Variants in DENND1A observed in about 807,000 individuals in gnomAD.
The protein encoded by DENND1A is DENN domain-containing protein 1A.
DENND1A carries 51 observed loss-of-function variants against 113.7 expected under a neutral mutation model. That is an observed-to-expected ratio of 0.45 (90% CI 0.36 to 0.57). The LOEUF (loss-of-function observed/expected upper bound fraction) is 0.57, where lower values mean the gene tolerates loss of function less well. DENND1A is among the 20% of genes least tolerant of loss of function. The probability of loss-of-function intolerance (pLI) is 0.00; values close to 1 mark genes in which losing one functional copy is unlikely to be tolerated. For synonymous variants in DENND1A, 565 were observed against 570.8 expected, an observed-to-expected ratio of 0.99 and a Z score of 0.14; for missense variants, 1,258 against 1,395.9, an observed-to-expected ratio of 0.90 and a Z score of 1.57.
chr9:123,455,553 C>G (rs961859591), intron 15 of DENND1A, among the ~76,000 whole-genome samples: 4 of 152,214 alleles, frequency 2.6e-5, no homozygotes, highest in Admixed American at 6.5e-5. Context: ...TCTCCTTCCT[C>G]TGAACAGCCC....
chr9:123,572,175 C>T (rs191792420), intron 12 of DENND1A, among the ~76,000 whole-genome samples: 1 of 152,186 alleles, frequency 6.6e-6, no homozygotes, highest in Non-Finnish European at 1.5e-5. Context: ...TCAGCTGTTT[C>T]TAGCTTTATA....
chr9:123,627,738 T>TAAAAA (rs2061295998), intron 10 of DENND1A, among the ~76,000 whole-genome samples: 3 of 82,406 alleles, frequency 3.6e-5, no homozygotes, highest in African/African-American at 1.7e-4. Flanking sequence ...AAACTCTGTC[T>TAAAAA]CAAAAAAAAA....
At chr9:123,416,611 G>A (rs561965151) in intron 19 of DENND1A, among the ~76,000 whole-genome samples, 2 of 152,342 alleles carry the variant, frequency 1.3e-5, no homozygotes, top group East Asian at 1.9e-4. Context: ...GGCCTTTGGC[G>A]ATCTTTTGCT....
intron 1 of DENND1A, among the ~76,000 whole-genome samples, chr9:123,915,594 G>A (rs1266290901): frequency 6.6e-6 from 1 of 152,136 alleles, no homozygotes; most frequent in Non-Finnish European, 1.5e-5. Context: ...AATATCAGAT[G>A]AGTAGAAGAG....
At chr9:123,532,721 G>A (rs1203503166) in intron 13 of DENND1A, among the ~76,000 whole-genome samples, 2 of 152,160 alleles carry the variant, frequency 1.3e-5, no homozygotes, top group South Asian at 4.1e-4. Flanking sequence ...TCTTTTAAGA[G>A]AATTAAAAAC....
At chr9:123,530,209 C>T (rs1300579307) in intron 13 of DENND1A, among the ~76,000 whole-genome samples, 5 of 152,140 alleles carry the variant, frequency 3.3e-5, no homozygotes, top group Non-Finnish European at 7.4e-5. Flanking sequence ...TGAAGAAAGA[C>T]ATGAGCCCTA....
intron 1 of DENND1A, among the ~76,000 whole-genome samples, chr9:123,910,515 T>G (rs1853760739): frequency 6.6e-6 from 1 of 152,152 alleles, no homozygotes; most frequent in African/African-American, 2.4e-5. Context: ...AAACAAAGCT[T>G]CTAGGATAAA....
At chr9:123,575,655 G>GT (rs2058596659) in intron 12 of DENND1A, among the ~76,000 whole-genome samples, 1 of 152,136 alleles carries the variant, frequency 6.6e-6, no homozygotes, top group Admixed American at 6.5e-5. Context: ...TACACACACA[G>GT]TTTTTTAGGA....
chr9:123,491,169 T>C (rs1354945735), intron 13 of DENND1A, among the ~76,000 whole-genome samples: 1 of 152,168 alleles, frequency 6.6e-6, no homozygotes, highest in East Asian at 1.9e-4. Flanking sequence ...GCATGAAAAC[T>C]GTGATGATGG....
At chr9:123,414,263 A>G (rs1414531758) in intron 19 of DENND1A, 3 of 1,309,934 alleles carry the variant, frequency 2.3e-6, no homozygotes, top group Non-Finnish European at 2.9e-6. Context: ...AGATTCAACG[A>G]GATGATGGAC....
chr9:123,795,150 A>C (rs1833576119), intron 2 of DENND1A, among the ~76,000 whole-genome samples: 1 of 152,252 alleles, frequency 6.6e-6, no homozygotes, highest in African/African-American at 2.4e-5. Flanking sequence ...AAAGCAATAT[A>C]ATACATTTTT....
At chr9:123,663,832 GT>G (rs1392977375) in intron 8 of DENND1A, among the ~76,000 whole-genome samples, 5 of 150,970 alleles carry the variant, frequency 3.3e-5, no homozygotes, top group African/African-American at 1.2e-4. Flanking sequence ...AAAAATGTAA[GT>G]TTTGAAACTT....
intron 5 of DENND1A, among the ~76,000 whole-genome samples, chr9:123,740,421 T>C (rs368645997): frequency 1.3e-5 from 2 of 152,184 alleles, no homozygotes; most frequent in East Asian, 1.9e-4. Flanking sequence ...AAATCTCCCA[T>C]TTAGAGTCTG....
At chr9:123,533,602 G>T (rs1012512336) in intron 13 of DENND1A, among the ~76,000 whole-genome samples, 13 of 152,210 alleles carry the variant, frequency 8.5e-5, no homozygotes, top group African/African-American at 2.7e-4. Flanking sequence ...CAAGCACTGC[G>T]AACTGGAGGG....
intron 3 of DENND1A, among the ~76,000 whole-genome samples, chr9:123,789,130 T>C (rs914474692): frequency 5.9e-5 from 9 of 151,872 alleles, no homozygotes; most frequent in Non-Finnish European, 8.8e-5. Flanking sequence ...AAAGCCTGTA[T>C]TTCCAGGTTT....
At chr9:123,773,708 T>C (rs1381551619) in intron 3 of DENND1A, among the ~76,000 whole-genome samples, 2 of 152,154 alleles carry the variant, frequency 1.3e-5, no homozygotes, top group African/African-American at 4.8e-5. Context: ...TTAGCTTTAT[T>C]TGGCAGATGA....
At chr9:123,663,078 A>G (rs957171601) in intron 8 of DENND1A, among the ~76,000 whole-genome samples, 8 of 152,244 alleles carry the variant, frequency 5.3e-5, no homozygotes, top group African/African-American at 1.9e-4. Flanking sequence ...ATCAACAACT[A>G]TGTAGTACTA....
chr9:123,903,223 T>C (rs4548283), intron 1 of DENND1A, among the ~76,000 whole-genome samples: 12,971 of 145,990 alleles, frequency 0.089, 1,236 homozygotes, highest in African/African-American at 0.25. Context: ...TCCCAGCTAC[T>C]TGGGAGGCTG....
chr9:123,403,190 C>T (rs909122105), intron 21 of DENND1A, among the ~76,000 whole-genome samples: 6 of 152,202 alleles, frequency 3.9e-5, no homozygotes, highest in Non-Finnish European at 8.8e-5. Context: ...CCCAAGTGCC[C>T]GGCTCCCTGG....
Sources: allele counts gnomAD v4.1 joint callset (sites outside exome capture counted in the v4.1 genomes callset), GRCh38; gene constraint gnomAD v4.1.1; transcripts MANE v1.5; gene names NCBI Gene and HGNC (gene_info 2026-07-23, HGNC 2026-07-21).